Variants in GPS1 observed in about 807,000 individuals in gnomAD.
GPS1 encodes the protein G protein pathway suppressor 1, also known as COP9 signalosome complex subunit 1.
In GPS1, 11 loss-of-function variants were observed where a neutral mutation model predicts 60.0. The ratio of observed to expected loss-of-function variants is 0.18; its 90% CI spans 0.12 to 0.30. The LOEUF (loss-of-function observed/expected upper bound fraction) is 0.30. GPS1 is among the 10% of genes least tolerant of loss of function. GPS1 has a pLI of 1.00. For missense variants in GPS1, 543 were observed against 669.2 expected (o/e 0.81, Z 2.08); for synonymous variants, 343 against 269.8 (o/e 1.27, Z -2.66).
chr17:82,055,297 T>C, intron 6 of GPS1, 75 bp downstream of exon 6: 3 of 1,439,938 alleles, frequency 2.1e-6, no homozygotes, highest in Middle Eastern at 1.7e-4. Flanking sequence ...GGCAGTAGGC[T>C]GGTCCCTGCC....
intron 6 of GPS1, 100 bp downstream of exon 6, chr17:82,055,322 C>A: frequency 1.6e-6 from 2 of 1,233,438 alleles, no homozygotes; most frequent in South Asian, 2.6e-5. Context: ...CCAGGGAAAA[C>A]TTCCCTGGCA....
At chr17:82,056,183 C>G in intron 8 of GPS1, 88 bp downstream of exon 8, 1 of 1,380,236 alleles carries the variant, frequency 7.2e-7, no homozygotes, top group African/African-American at 1.4e-5. Flanking sequence ...GGCCCCCTGG[C>G]CCCAGCGTTT....
Position 82,055,734 on chromosome 17 carries a change from C to T in GPS1, c.749-6C>T, listed in dbSNP as rs1277923643. The T allele has an allele frequency of 1.9e-6, 3 of 1,549,808 alleles. No homozygotes were observed. The highest frequency in any genetic ancestry group is 2.4e-5 in the South Asian group (2 of 84,178). On this transcript the variant is annotated splice_region_variant and splice_polypyrimidine_tract_variant and intron_variant, in intron 6 of 12. Transcript: ENST00000578552. Reference sequence around the variant, plus strand: ...CCCCCTCCCCGCCCCCGGCTCCTTCCACTAGGCTTGGCAGAGCTGGCCGCC... The same window carrying T: ...CCCCCTCCCCGCCCCCGGCTCCTTCTACTAGGCTTGGCAGAGCTGGCCGCC...
chr17:82,055,774 G>C lies in GPS1; in HGVS notation c.783G>C (p.Gln261His). Reference sequence around the variant, plus strand: ...AGCTGGCCGCCAGGAAGTACAAGCAGGCTGCCAAGTGCCTCCTGCTGGCTT... The same window carrying C: ...AGCTGGCCGCCAGGAAGTACAAGCACGCTGCCAAGTGCCTCCTGCTGGCTT... ...LAELAARKYK[Q>H]AAKCLLLASF... The change falls in exon 7 of 13, where the codon CAG becomes CAC. Residue 261 changes from glutamine to histidine, a missense_variant. Physicochemically the swap from Gln to His is conservative, Grantham distance 24. This residue lies in a region of GPS1 where 291 missense variants were observed against 353.7 expected (regional missense o/e 0.82). Transcript: ENST00000578552. The C allele has an allele frequency of 6.4e-7, 1 of 1,562,988 alleles. No individual in the cohort carries two copies. Among genetic ancestry groups the C allele is most frequent in the Non-Finnish European group, 8.7e-7 (1 of 1,153,304 alleles).
rs767680457 is a variant in GPS1, at chr17:82,053,271, C to T, written c.34-3C>T. 18 of 1,535,142 alleles carry T rather than the reference C, an allele frequency of 1.2e-5. No individual in the cohort carries two copies. Among genetic ancestry groups the T allele is most frequent in the Middle Eastern group, 3.4e-4 (2 of 5,840 alleles). ...GGTGCCAGGTGCCTGGCCCATGTTG[C>T]AGGGGGCCGTGGAGCCCATGCAGAT... On this transcript the variant is annotated splice_region_variant and splice_polypyrimidine_tract_variant and intron_variant, in intron 1 of 12. Coordinates refer to ENST00000578552, the MANE Select transcript of GPS1 (RefSeq NM_001321092.3).
chr17:82,054,285 G>A, intron 3 of GPS1: 3 of 749,024 alleles, frequency 4.0e-6, no homozygotes, highest in Non-Finnish European at 6.3e-6. Context: ...TGGCTCAGGG[G>A]CCGCCTCCCT....
intron 1 of GPS1, chr17:82,052,198 A>G (rs2030875285): frequency 1.4e-6 from 2 of 1,393,304 alleles, no homozygotes; most frequent in East Asian, 2.7e-5. Context: ...CTCCCCTCCC[A>G]GCAGCTCACG....
chr17:82,057,260 C>A lies in GPS1; in HGVS notation c.*133C>A. On this transcript the variant is annotated 3_prime_UTR_variant, in exon 13 of 13. Coordinates refer to ENST00000578552, the MANE Select transcript of GPS1 (RefSeq NM_001321092.3). ...ACTGGGTGCCACCCAGCCTGTGTGC[C>A]CTCCCTGGGGCTGAGGAGGCAGGCG... 8.4e-7 allele frequency: 1 copy of A among 1,194,936 alleles called. No individual in the cohort carries two copies. Among genetic ancestry groups the A allele is most frequent in the Non-Finnish European group, 1.2e-6 (1 of 818,514 alleles). 74.0% of individuals were successfully genotyped at this position (1,194,936 alleles called of 1,614,324 possible).
intron 1 of GPS1, chr17:82,053,034 G>A (rs1166606004): frequency 1.9e-5 from 7 of 363,852 alleles, no homozygotes; most frequent in Non-Finnish European, 3.4e-5. Context: ...CAGGCGAGGG[G>A]TTTCTGCTTC....
rs1257584996 is a variant in GPS1 at position 82,054,559 on chromosome 17, C to T, written c.358C>T (p.Pro120Ser). 1 of 1,589,722 alleles carries T rather than the reference C, an allele frequency of 6.3e-7. No individual in the cohort carries two copies. The highest frequency in any genetic ancestry group is 2.2e-5 in the East Asian group (1 of 44,490). The change falls in exon 4 of 13, where the codon CCA (proline) becomes TCA (serine). Residue 120 changes from proline (P) to serine (S), a missense_variant. Pro to Ser is a moderately conservative substitution (Grantham distance 74). Transcript: ENST00000578552. ...CATCCCTGAGAGCGGCGTGGAGCCC[C>T]CAGCCCTGGACACGGCCTGGGTGGA... Reference protein sequence around the residue: ...DAIPESGVEPPALDTAWVEAT... With the variant: ...DAIPESGVEPSALDTAWVEAT...
chr17:82,054,207 C>G (rs1403103178), intron 3 of GPS1, 158 bp downstream of exon 3: 6 of 833,166 alleles, frequency 7.2e-6, no homozygotes, highest in Non-Finnish European at 1.1e-5. Context: ...TGGAAGTGCC[C>G]TGTGTGTGTG....
rs1403069471 is a variant in GPS1 at position 82,056,944 on chromosome 17, A to C, written c.1359A>C (p.Ala453=). The change falls in exon 12 of 13, where the codon GCA becomes GCC. Residue 453 remains alanine (A), a synonymous_variant. Transcript: ENST00000578552. ...GCGCCAAGGCCATGATGCTGCGGGC[A>C]GCTGTGCTCCGCAACCAGATCCATG... The part of the protein sequence containing the change: ...QRRAKAMMLR[A]AVLRNQIHVK... 1 of 1,612,904 alleles carries C rather than the reference A, an allele frequency of 6.2e-7. No individual in the cohort carries two copies. The highest frequency in any genetic ancestry group is 2.2e-5 in the East Asian group (1 of 44,878).
upstream of GPS1, chr17:82,051,502 G>A (rs1437045911): frequency 1.4e-6 from 2 of 1,381,602 alleles, no homozygotes; most frequent in Admixed American, 3.5e-5. The surrounding 1 kb of genome is among the most constrained non-coding windows in gnomAD (Gnocchi z 4.1). Flanking sequence ...CGGCGCACCT[G>A]CTGGCGGGCC....
rs1166232436 is a variant in GPS1, at chr17:82,056,469, G to T, written c.1036-1G>T. The T allele has an allele frequency of 6.2e-7, 1 of 1,613,052 alleles. No individual in the cohort carries two copies. The highest frequency in any genetic ancestry group is 8.5e-7 in the Non-Finnish European group (1 of 1,179,998). The stretch of plus-strand genomic sequence containing the variant: ...CTGGTCCTGACCAGCCCCTTCCCCA[G>T]GACAACCTGCTCCTGGACATGTATC... On this transcript the variant is annotated splice_acceptor_variant, in intron 9 of 12. Transcript: ENST00000578552. LOFTEE classifies it high-confidence loss of function.
Position 82,053,382 on chromosome 17 carries a change from G to T in GPS1, c.126+16G>T, listed in dbSNP as rs780559478. ...CCCCAGCCTGGTACGGAGCCCAGTG[G>T]GGGGACCTTGGGTGTCTCAGTCCTG... On this transcript the variant is annotated intron_variant, in intron 2 of 12. Transcript: ENST00000578552. 16 of 1,448,936 alleles carry T rather than the reference G, an allele frequency of 1.1e-5. No individual in the cohort carries two copies. The South Asian group carries it at 2.0e-4, about 18-fold the overall frequency. 89.8% of individuals were successfully genotyped at this position (1,448,936 alleles called of 1,614,324 possible). A position where few individuals can be genotyped will look rare whatever the true frequency, so the allele number is the denominator to read the frequency against.
Position 82,052,203 on chromosome 17 carries a change from C to T in GPS1, c.33+239C>T, listed in dbSNP as rs539585473. 418 of 1,509,260 alleles carry T rather than the reference C, an allele frequency of 2.8e-4. 8 individuals are homozygous for T. In the Admixed American group the frequency reaches 7.8e-3, roughly 28 times the overall value. 93.5% of individuals were successfully genotyped at this position (1,509,260 alleles called of 1,614,324 possible). ...CCCGCCCCGCCTCCCCTCCCAGCAG[C>T]TCACGGGAGAGGTTCCCGGCCGCCC... On this transcript the variant is annotated intron_variant, in intron 1 of 12. Transcript: ENST00000578552.
At chr17:82,051,256 G>A (rs535678989), upstream of GPS1, 3 of 1,344,678 alleles carry the variant, frequency 2.2e-6, no homozygotes, top group Admixed American at 3.6e-5. This position sits in a 1 kb window ranked among gnomAD's most constrained non-coding sequence, Gnocchi z 4.1. Context: ...GGCTCGGGGG[G>A]CAGATCCCGC....
intron 12 of GPS1, 33 bp from the exon 13 acceptor site, chr17:82,057,020 G>T (rs1292070359): frequency 6.2e-7 from 1 of 1,610,916 alleles, no homozygotes; most frequent in East Asian, 2.2e-5. Context: ...GTGGGGCCTG[G>T]TGGCTGTGAG....
chr17:82,054,262 C>G (rs987492179), intron 3 of GPS1: 8 of 724,580 alleles, frequency 1.1e-5, no homozygotes, highest in Middle Eastern at 4.0e-4. Context: ...CCAAGGGGAG[C>G]TGTTGGAGAC....
Sources: gnomAD v4.1 joint callset for allele counts on GRCh38, gnomAD v4.1.1 for gene constraint, gnomAD v4.1.1 regional missense constraint, Gnocchi (gnomAD v3.1) non-coding constraint, MANE v1.5 for transcripts, NCBI Gene and HGNC (gene_info 2026-07-23, HGNC 2026-07-21) for gene names.